The following GMEB2 variants were observed in gnomAD, a reference collection of about 807,000 sequenced individuals.
The protein encoded by GMEB2 is glucocorticoid modulatory element-binding protein 2.
Under a neutral mutation model 45.7 loss-of-function variants are expected in GMEB2, and 7 were observed. The ratio of observed to expected loss-of-function variants is 0.15; its 90% CI spans 0.09 to 0.29. GMEB2 has a LOEUF of 0.29. Ranked by LOEUF, GMEB2 falls within the 10% of genes least tolerant of loss-of-function variation. GMEB2 has a pLI of 1.00. For synonymous variants in GMEB2, 322 were observed against 323.6 expected, an observed-to-expected ratio of 1.00 and a Z score of 0.05; for missense variants, 582 against 739.2, an observed-to-expected ratio of 0.79 and a Z score of 2.47.
intron 1 of GMEB2, among the ~76,000 whole-genome samples, chr20:63,625,629 G>T (rs1292033419): frequency 1.3e-5 from 2 of 150,396 alleles, no homozygotes; most frequent in East Asian, 3.9e-4. Flanking sequence ...ACGCAATCTT[G>T]CTCCGTCACC....
chr20:63,626,550 G>A (rs2089674740), intron 1 of GMEB2, among the ~76,000 whole-genome samples: 9 of 141,400 alleles, frequency 6.4e-5, no homozygotes, highest in Admixed American at 6.2e-4. Context: ...CCTGCGGGTC[G>A]CGTGGTGGCC....
chr20:63,619,567 T>C lies in GMEB2; in HGVS notation c.-57-113A>G, dbSNP rs1179798825. 3 of 555,878 alleles carry C rather than the reference T, an allele frequency of 5.4e-6. No homozygotes were observed. Among genetic ancestry groups the C allele is most frequent in the Non-Finnish European group, 9.1e-6 (3 of 330,318 alleles). The allele number at this position is 555,878 out of a possible 1,614,324, so 34.4% of individuals were successfully genotyped here. A position where few individuals can be genotyped will look rare whatever the true frequency, so the allele number is the denominator to read the frequency against. On this transcript the variant is annotated intron_variant, in intron 1 of 9. Transcript: ENST00000370077. The surrounding 1 kb of genome is among the most constrained non-coding windows in gnomAD (Gnocchi z 4.6). ...AAAGACCCACCCTTGAGTCCCAGAC[T>C]GCTACCTCCTGACAAAAACGAGCGG...
rs769008444 is a variant in GMEB2 at position 63,592,049 on chromosome 20, G to A, written c.925C>T (p.Arg309Trp). The A allele has an allele frequency of 1.2e-6, 2 of 1,612,706 alleles. No homozygotes were observed. Among genetic ancestry groups the A allele is most frequent in the South Asian group, 1.1e-5 (1 of 91,066 alleles). ...GCCAGGTCCCGGGCGTACTGCTCCC[G>A]CGAGCGGTCCATCTGGCACTTGTGG... is the stretch of plus-strand genomic sequence containing the variant. ...ASHKCQMDRS[R>W]EQYARDLAAL... Residue 309 changes from arginine (R) to tryptophan (W), a missense_variant, in exon 9 of 10, where the codon CGG becomes TGG. This residue lies in a region of GMEB2 where 462 missense variants were observed against 586.7 expected (regional missense o/e 0.79). Coordinates refer to ENST00000370077, the MANE Select transcript of GMEB2 (RefSeq NM_012384.5). This position sits in a 1 kb window ranked among gnomAD's most constrained non-coding sequence, Gnocchi z 8.2.
chr20:63,624,641 T>A (rs924094315), intron 1 of GMEB2, among the ~76,000 whole-genome samples: 5 of 152,158 alleles, frequency 3.3e-5, no homozygotes, highest in Non-Finnish European at 7.4e-5. Context: ...TTCAGGGCTT[T>A]GCAGAGGATT....
At position 63,619,309 on chromosome 20, in the gene GMEB2, C is replaced by A; in HGVS notation, c.89G>T (p.Gly30Val). Residue 30 changes from glycine to valine, a missense_variant, in exon 2 of 10, where the codon GGG becomes GTG. Transcript: ENST00000370077. This position sits in a 1 kb window ranked among gnomAD's most constrained non-coding sequence, Gnocchi z 4.6. ...GGTCGTCACCAACACGGTCTTCACC[C>A]CCTCCACACCACTGCCGTCCACTGC... is the stretch of plus-strand genomic sequence containing the variant. ...DTAVDGSGVEGVKTVLVTTNL... is the reference protein window; with the variant it reads ...DTAVDGSGVEVVKTVLVTTNL... 1 of 1,612,918 alleles carries A rather than the reference C, an allele frequency of 6.2e-7. No individual in the cohort carries two copies. The highest frequency in any genetic ancestry group is 8.5e-7 in the Non-Finnish European group (1 of 1,179,880).
At chr20:63,606,553 T>A (rs1000262887) in intron 2 of GMEB2, among the ~76,000 whole-genome samples, 4 of 152,174 alleles carry the variant, frequency 2.6e-5, no homozygotes, top group African/African-American at 9.7e-5. Context: ...TTCACTGTGT[T>A]AACCAGGATG....
chr20:63,601,931 C>G (rs1164264662), intron 4 of GMEB2, among the ~76,000 whole-genome samples: 8 of 140,086 alleles, frequency 5.7e-5, no homozygotes, highest in African/African-American at 1.4e-4. Context: ...GGCTTCTGTG[C>G]TGCCTGTGGC....
At chr20:63,616,590 T>G (rs2089610286) in intron 2 of GMEB2, among the ~76,000 whole-genome samples, 1 of 152,248 alleles carries the variant, frequency 6.6e-6, no homozygotes, top group Non-Finnish European at 1.5e-5. Context: ...AGGTGCAGAC[T>G]GAGAGGCGGA....
intron 6 of GMEB2, among the ~76,000 whole-genome samples, chr20:63,594,356 C>T (rs549584827): frequency 4.6e-5 from 7 of 152,220 alleles, no homozygotes; most frequent in Non-Finnish European, 8.8e-5. Context: ...AACACTAACG[C>T]GGTGGAGCCG....
chr20:63,618,421 AG>A (rs1470874386), intron 2 of GMEB2, among the ~76,000 whole-genome samples: 2 of 152,190 alleles, frequency 1.3e-5, no homozygotes, highest in East Asian at 3.9e-4. Flanking sequence ...CTCCACAGCA[AG>A]GGAAGAAAGG....
intron 9 of GMEB2, among the ~76,000 whole-genome samples, chr20:63,591,094 G>A (rs1255632687): frequency 2.6e-5 from 4 of 152,182 alleles, no homozygotes; most frequent in Non-Finnish European, 5.9e-5. Context: ...CACACCCAGC[G>A]TGGAAAGTTG....
At chr20:63,626,637 G>A (rs1302244386) in intron 1 of GMEB2, among the ~76,000 whole-genome samples, 4 of 151,566 alleles carry the variant, frequency 2.6e-5, no homozygotes, top group African/African-American at 9.7e-5. Context: ...GGTGGTCCCT[G>A]CGGGTCGCAC....
At chr20:63,600,903 T>C (rs1166796216) in intron 4 of GMEB2, among the ~76,000 whole-genome samples, 1 of 152,060 alleles carries the variant, frequency 6.6e-6, no homozygotes, top group African/African-American at 2.4e-5. Context: ...ACCTGCTCAC[T>C]GCATCAGGAG....
At position 63,619,154 on chromosome 20, in the gene GMEB2, C is replaced by A. The variant is rs990459328; in HGVS notation, c.131+113G>T. ...ACATTTGAGTCCAGTCTCAGAAGAA[C>A]TGGAACTAGAAAAATCCTGACACTT... On this transcript the variant is annotated intron_variant, in intron 2 of 9. Coordinates refer to ENST00000370077, the MANE Select transcript of GMEB2 (RefSeq NM_012384.5). The surrounding 1 kb of genome is among the most constrained non-coding windows in gnomAD (Gnocchi z 4.6). The A allele has an allele frequency of 3.7e-6, 4 of 1,090,748 alleles. No individual in the cohort carries two copies. The African/African-American group carries it at 4.8e-5, about 13-fold the overall frequency. 67.6% of individuals were successfully genotyped at this position (1,090,748 alleles called of 1,614,324 possible).
chr20:63,598,268 G>A (rs1196964990), intron 4 of GMEB2, among the ~76,000 whole-genome samples: 1 of 151,954 alleles, frequency 6.6e-6, no homozygotes, highest in Non-Finnish European at 1.5e-5. Flanking sequence ...GTGGAGCTGT[G>A]AACGCCACCT....
rs768275993 is a variant in GMEB2, at chr20:63,597,750, C to A, written c.461+7G>T. 1 of 1,520,498 alleles carries A rather than the reference C, an allele frequency of 6.6e-7. No homozygotes were observed. The highest frequency in any genetic ancestry group is 1.1e-5 in the South Asian group (1 of 89,182). 94.2% of individuals were successfully genotyped at this position (1,520,498 alleles called of 1,614,324 possible). Reference sequence around the variant, plus strand: ...AGCAGGGAGGCTGACCCTGCGCCAGCGCCCACCTGAGCATGATGCCGTTCA... The same window carrying A: ...AGCAGGGAGGCTGACCCTGCGCCAGAGCCCACCTGAGCATGATGCCGTTCA... On this transcript the variant is annotated splice_region_variant and intron_variant, in intron 5 of 9. Transcript: ENST00000370077.
intron 1 of GMEB2, among the ~76,000 whole-genome samples, chr20:63,621,174 G>A (rs915561229): frequency 3.9e-5 from 6 of 152,142 alleles, no homozygotes; most frequent in African/African-American, 1.4e-4. Context: ...TCCAGTCTGG[G>A]CAACAGAGTG....
chr20:63,595,917 T>C (rs1303343383), intron 5 of GMEB2, 150 bp from the exon 6 acceptor site: 4 of 661,702 alleles, frequency 6.0e-6, no homozygotes, highest in Non-Finnish European at 1.1e-5. Context: ...TCTACTTCCC[T>C]CTTAGCGCGA....
chr20:63,592,735 C>T lies in GMEB2; in HGVS notation c.692-65G>A. On this transcript the variant is annotated intron_variant, in intron 7 of 9. Coordinates refer to ENST00000370077, the MANE Select transcript of GMEB2 (RefSeq NM_012384.5). This position sits in a 1 kb window ranked among gnomAD's most constrained non-coding sequence, Gnocchi z 8.2. Reference sequence around the variant, plus strand: ...CTGCTACACGGGGCAGCCACCACAGCCACAAGGACATCACCATAGCCACGA... The same window carrying T: ...CTGCTACACGGGGCAGCCACCACAGTCACAAGGACATCACCATAGCCACGA... 5 of 1,310,812 alleles carry T rather than the reference C, an allele frequency of 3.8e-6. No homozygotes were observed. The South Asian group carries it at 5.9e-5, about 15-fold the overall frequency. 81.2% of individuals were successfully genotyped at this position (1,310,812 alleles called of 1,614,324 possible).
Sources: gnomAD v4.1 joint callset for allele counts (sites outside exome capture counted in the v4.1 genomes callset) on GRCh38, gnomAD v4.1.1 for gene constraint, gnomAD v4.1.1 regional missense constraint, Gnocchi (gnomAD v3.1) non-coding constraint, MANE v1.5 for transcripts, NCBI Gene and HGNC (gene_info 2026-07-23, HGNC 2026-07-21) for gene names.